The following NLRP1 variants were observed in gnomAD, a reference collection of about 807,000 sequenced individuals.
The protein encoded by NLRP1 is NACHT, LRR and PYD domains-containing protein 1.
Under a neutral mutation model 136.7 loss-of-function variants are expected in NLRP1, and 94 were observed. The ratio of observed to expected loss-of-function variants is 0.69; its 90% CI spans 0.58 to 0.82. NLRP1 has a LOEUF of 0.82. Among genes scored for constraint, NLRP1 ranks in the 40% least tolerant of loss-of-function variants. The pLI is 0.00. For missense variants in NLRP1, 1,575 were observed against 1,802.7 expected (o/e 0.87, Z 2.29); for synonymous variants, 690 against 725.1 (o/e 0.95, Z 0.78).
Position 5,572,993 on chromosome 17 carries a change from C to T in NLRP1, c.652+8866G>A, listed in dbSNP as rs1026705496. Among the ~76,000 whole-genome samples, 12 of 152,194 alleles carry T rather than the reference C, an allele frequency of 7.9e-5. No homozygotes were observed. In the East Asian group the frequency reaches 1.7e-3, roughly 22 times the overall value. On this transcript the variant is annotated intron_variant, in intron 3 of 16. Transcript: ENST00000572272. Reference sequence around the variant, plus strand: ...GTGCAGGACAGTGGGTGCAGCCCACCGAGCATAAGCCAAAGCAGGGCGAGG... The same window carrying T: ...GTGCAGGACAGTGGGTGCAGCCCACTGAGCATAAGCCAAAGCAGGGCGAGG...
chr17:5,582,202 A>T (rs1183652108), intron 2 of NLRP1, 140 bp from the exon 3 acceptor site: 1 of 749,402 alleles, frequency 1.3e-6, no homozygotes, highest in Non-Finnish European at 2.2e-6. Flanking sequence ...GTAGAGGGGC[A>T]ATTTTATTCT....
intron 8 of NLRP1, among the ~76,000 whole-genome samples, chr17:5,535,203 G>C (rs551718129): frequency 6.6e-6 from 1 of 151,730 alleles, no homozygotes; most frequent in African/African-American, 2.4e-5. Context: ...CTGGGTGACA[G>C]AGCGAGACTC....
At chr17:5,544,925 G>A (rs781201400) in intron 5 of NLRP1, among the ~76,000 whole-genome samples, 7 of 152,110 alleles carry the variant, frequency 4.6e-5, no homozygotes, top group Admixed American at 2.0e-4. Flanking sequence ...GACACTGTGG[G>A]AGCGGCCATC....
At chr17:5,580,322 T>C (rs1905492792) in intron 3 of NLRP1, among the ~76,000 whole-genome samples, 1 of 152,126 alleles carries the variant, frequency 6.6e-6, no homozygotes, top group South Asian at 2.1e-4. Flanking sequence ...GGTACCATGC[T>C]TATTACCTGG....
At chr17:5,578,008 G>T (rs113079010) in intron 3 of NLRP1, among the ~76,000 whole-genome samples, 88,100 of 144,948 alleles carry the variant, frequency 0.61, 26,051 homozygotes, top group East Asian at 0.81. Context: ...AAGAAATGGG[G>T]AAAGGATTCC....
chr17:5,532,706 A>C (rs1273659712), intron 11 of NLRP1, 116 bp downstream of exon 11: 1 of 826,352 alleles, frequency 1.2e-6, no homozygotes, highest in Non-Finnish European at 1.8e-6. Flanking sequence ...AGAGGAGGGG[A>C]CCCAGTGGTG....
downstream of NLRP1, chr17:5,512,026 A>G: frequency 1.6e-6 from 1 of 606,634 alleles, no homozygotes; most frequent in Non-Finnish European, 3.0e-6. Context: ...AACTAATGAC[A>G]GTACTAGTTG....
intron 3 of NLRP1, among the ~76,000 whole-genome samples, chr17:5,565,237 G>A (rs1464163066): frequency 6.6e-6 from 1 of 152,166 alleles, no homozygotes; most frequent in African/African-American, 2.4e-5. Flanking sequence ...GACTATCAGT[G>A]ATGTTGAATG....
intron 5 of NLRP1, among the ~76,000 whole-genome samples, chr17:5,550,429 G>T (rs553417351): frequency 6.6e-6 from 1 of 152,104 alleles, no homozygotes; most frequent in South Asian, 2.1e-4. Context: ...TTAGGTATTC[G>T]TGTCTTTCTG....
chr17:5,583,687 C>T lies in NLRP1; in HGVS notation c.271G>A (p.Gly91Ser). The T allele has an allele frequency of 6.4e-7, 1 of 1,552,810 alleles. No individual in the cohort carries two copies. The highest frequency in any genetic ancestry group is 1.2e-5 in the South Asian group (1 of 84,144). The change falls in exon 1 of 17, where the codon GGC (glycine) becomes AGC (serine). Residue 91 changes from glycine to serine, a missense_variant and splice_region_variant. Physicochemically the swap from Gly to Ser is moderately conservative, Grantham distance 56 (BLOSUM62 0). Coordinates refer to ENST00000572272, the MANE Select transcript of NLRP1 (RefSeq NM_033004.4). This position sits in a 1 kb window ranked among gnomAD's most constrained non-coding sequence, Gnocchi z 4.5. ...SLCAQAQEGA[G>S]HSPSFPYSPS... is the part of the protein sequence containing the mutation. ...GCAGTGGGGTCCTCTGTCCACTCAC[C>T]TGCCCCTTCCTGGGCTTGGGCGCAC...
chr17:5,546,494 CCT>C (rs1400041151), intron 5 of NLRP1, among the ~76,000 whole-genome samples: 7 of 152,144 alleles, frequency 4.6e-5, no homozygotes, highest in African/African-American at 1.7e-4. Context: ...TTCCGGCATT[CCT>C]TTTTTGAGCT....
intron 3 of NLRP1, among the ~76,000 whole-genome samples, chr17:5,562,551 C>T (rs1052830071): frequency 3.3e-5 from 5 of 152,152 alleles, no homozygotes; most frequent in Admixed American, 2.0e-4. Flanking sequence ...AGAAGGTCAC[C>T]CCCCTGTCCC....
intron 3 of NLRP1, among the ~76,000 whole-genome samples, chr17:5,564,956 C>G (rs1270384395): frequency 6.6e-6 from 1 of 152,066 alleles, no homozygotes; most frequent in African/African-American, 2.4e-5. Flanking sequence ...CCAGGATGGT[C>G]TCAATCTCCT....
chr17:5,570,268 C>T (rs541591459), intron 3 of NLRP1, among the ~76,000 whole-genome samples: 1 of 151,632 alleles, frequency 6.6e-6, no homozygotes. Flanking sequence ...CAGAGCTGAA[C>T]TGAATAAAAT....
intron 3 of NLRP1, 21 bp downstream of exon 3, chr17:5,581,838 A>G (rs1597491000): frequency 6.3e-7 from 1 of 1,599,408 alleles, no homozygotes; most frequent in East Asian, 2.2e-5. Flanking sequence ...CCACCCCGCC[A>G]GGAGCTCAGT....
intron 5 of NLRP1, among the ~76,000 whole-genome samples, chr17:5,542,729 TC>T (rs1417527716): frequency 9.8e-5 from 4 of 40,780 alleles, no homozygotes; most frequent in African/African-American, 1.9e-4. Context: ...CCTCCCTCCC[TC>T]CCTCTCCTTC....
chr17:5,533,121 C>G (rs895453282), intron 10 of NLRP1, 137 bp from the exon 11 acceptor site: 8 of 1,430,510 alleles, frequency 5.6e-6, no homozygotes, highest in Non-Finnish European at 5.6e-6. Context: ...AGCTTCTGCT[C>G]CTGCTCCATG....
At chr17:5,533,748 T>A (rs35913493) in intron 9 of NLRP1, 149 bp downstream of exon 9, 3 of 665,040 alleles carry the variant, frequency 4.5e-6, no homozygotes, top group Non-Finnish European at 8.1e-6. Context: ...TTCCTAGGAG[T>A]GGGAGCTCTC....
intron 4 of NLRP1, among the ~76,000 whole-genome samples, chr17:5,557,949 G>A (rs1245215093): frequency 6.6e-6 from 1 of 152,148 alleles, no homozygotes; most frequent in Admixed American, 6.5e-5. Flanking sequence ...TTCTCCGAGA[G>A]AATGAATGCC....
Sources: allele counts gnomAD v4.1 joint callset (sites outside exome capture counted in the v4.1 genomes callset), GRCh38; gene constraint gnomAD v4.1.1; non-coding constraint Gnocchi (gnomAD v3.1); transcripts MANE v1.5; gene names NCBI Gene and HGNC (gene_info 2026-07-23, HGNC 2026-07-21).